CLVS1: variants seen among roughly 807,000 people sequenced by gnomAD.
CLVS1 encodes the protein clavesin-1.
A neutral mutation model predicts 33.1 loss-of-function variants in CLVS1; 10 were observed. The ratio of observed to expected loss-of-function variants is 0.30; its 90% CI spans 0.19 to 0.51. CLVS1 has a LOEUF of 0.51. CLVS1 is among the 20% of genes least tolerant of loss of function. The pLI is 0.97. For missense variants in CLVS1, 343 were observed against 433.4 expected, an observed-to-expected ratio of 0.79 and a Z score of 1.85; for synonymous variants, 163 against 166.1, an observed-to-expected ratio of 0.98 and a Z score of 0.14.
chr8:61,225,274 T>C (rs1585703786), intron 2 of CLVS1, among the ~76,000 whole-genome samples: 2 of 152,092 alleles, frequency 1.3e-5, no homozygotes, highest in African/African-American at 2.4e-5. Flanking sequence ...GCTGAGATAG[T>C]ACCATTATAC....
At chr8:61,023,095 G>C in the CLVS1 span, among the ~76,000 whole-genome samples, 211 of 152,302 alleles carry the variant, frequency 1.4e-3, no homozygotes, top group African/African-American at 5.0e-3. Flanking sequence ...AAAAAATTTA[G>C]GGAGGAAAAT....
rs369816565 is a variant in CLVS1 at position 61,163,242 on chromosome 8, C to T, written c.-152+31382C>T. On this transcript the variant is annotated intron_variant, in intron 2 of 2. Coordinates refer to the CLVS1 transcript ENST00000522621. ...TCTTTTGGCTTCTTTAGTCTATTTC[C>T]GGGAGTGAATTTTTGGGTATCATGG... Among the ~76,000 whole-genome samples, 95 of 152,230 alleles carry T rather than the reference C, an allele frequency of 6.2e-4. 1 individual carries two copies. In the Middle Eastern group the frequency reaches 0.01, roughly 16 times the overall value.
intron 2 of CLVS1, among the ~76,000 whole-genome samples, chr8:61,212,469 G>C (rs527540835): frequency 6.6e-6 from 1 of 152,166 alleles, no homozygotes; most frequent in African/African-American, 2.4e-5. Context: ...TGAGGCTGGC[G>C]CTGCCCAGTT....
intron 1 of CLVS1, among the ~76,000 whole-genome samples, chr8:61,073,966 C>T (rs984534500): frequency 2.1e-5 from 3 of 143,094 alleles, no homozygotes; most frequent in Admixed American, 7.2e-5. Flanking sequence ...GAGCCAAGAT[C>T]GCGCCACTGC....
At chr8:61,424,191 C>T (rs974429959) in intron 3 of CLVS1, among the ~76,000 whole-genome samples, 4 of 152,280 alleles carry the variant, frequency 2.6e-5, no homozygotes, top group Middle Eastern at 3.4e-3. Flanking sequence ...CTTAAATTGT[C>T]TGCCATTATT....
intron 1 of CLVS1, among the ~76,000 whole-genome samples, chr8:61,099,429 C>T (rs780287604): frequency 7.9e-5 from 12 of 151,418 alleles, no homozygotes; most frequent in South Asian, 6.3e-4. Flanking sequence ...AAATATTTTT[C>T]GAGTATTTAT....
the CLVS1 span, among the ~76,000 whole-genome samples, chr8:61,037,814 C>A: frequency 6.6e-6 from 1 of 152,178 alleles, no homozygotes; most frequent in African/African-American, 2.4e-5. Flanking sequence ...AGGAAACAGG[C>A]AAACACACCA....
At chr8:61,394,085 G>T (rs2201260) in intron 3 of CLVS1, among the ~76,000 whole-genome samples, 78 of 152,270 alleles carry the variant, frequency 5.1e-4, no homozygotes, top group African/African-American at 1.7e-3. Flanking sequence ...GGTGGCTCAC[G>T]CCTCTAATCC....
At chr8:61,287,699 G>A (rs1190686255), upstream of CLVS1, among the ~76,000 whole-genome samples, 1 of 151,996 alleles carries the variant, frequency 6.6e-6, no homozygotes, top group Non-Finnish European at 1.5e-5. Context: ...ATTCCCATAG[G>A]TTTGTGATAC....
At chr8:61,311,544 G>A (rs913785329) in intron 2 of CLVS1, among the ~76,000 whole-genome samples, 6 of 152,152 alleles carry the variant, frequency 3.9e-5, no homozygotes, top group African/African-American at 1.2e-4. Context: ...CTGCGTGCCC[G>A]GGTGGCTGCC....
chr8:61,136,821 T>C (rs938930036), intron 2 of CLVS1, among the ~76,000 whole-genome samples: 8 of 152,192 alleles, frequency 5.3e-5, no homozygotes, highest in African/African-American at 1.9e-4. Flanking sequence ...CCTATGCACA[T>C]GTAGCCCGGA....
At chr8:61,440,104 T>G (rs1816483649) in intron 3 of CLVS1, among the ~76,000 whole-genome samples, 1 of 152,240 alleles carries the variant, frequency 6.6e-6, no homozygotes, top group African/African-American at 2.4e-5. Flanking sequence ...AGCATTGTCT[T>G]TCTCCATCTC....
At chr8:61,096,257 A>G (rs1805348729) in intron 1 of CLVS1, among the ~76,000 whole-genome samples, 1 of 152,250 alleles carries the variant, frequency 6.6e-6, no homozygotes, top group Non-Finnish European at 1.5e-5. Context: ...TGGATGCAAC[A>G]GCTATAAATA....
chr8:61,498,427 T>C (rs776443814), intron 5 of CLVS1, among the ~76,000 whole-genome samples: 2 of 152,266 alleles, frequency 1.3e-5, no homozygotes, highest in Non-Finnish European at 2.9e-5. Flanking sequence ...ACTGCACATA[T>C]ATGTAAGTTT....
At chr8:61,069,847 G>A (rs1248937132) in intron 1 of CLVS1, among the ~76,000 whole-genome samples, 1 of 152,060 alleles carries the variant, frequency 6.6e-6, no homozygotes, top group African/African-American at 2.4e-5. Flanking sequence ...CTGGAGTGCA[G>A]TGGCGCGATC....
chr8:61,305,028 G>A (rs1487669362), intron 2 of CLVS1, among the ~76,000 whole-genome samples: 1 of 151,988 alleles, frequency 6.6e-6, no homozygotes, highest in African/African-American at 2.4e-5. Flanking sequence ...ACCTGCCATG[G>A]GGTCTTGAGC....
chr8:61,383,462 G>C (rs901354262), intron 3 of CLVS1, among the ~76,000 whole-genome samples: 1 of 152,156 alleles, frequency 6.6e-6, no homozygotes, highest in Non-Finnish European at 1.5e-5. Context: ...AAGGATATTT[G>C]CATTTTGTCA....
At chr8:61,162,390 T>C (rs1363191991) in intron 2 of CLVS1, among the ~76,000 whole-genome samples, 2 of 152,204 alleles carry the variant, frequency 1.3e-5, no homozygotes, top group Non-Finnish European at 2.9e-5. Flanking sequence ...TGTCTTGGCC[T>C]CATAGATTTG....
At chr8:61,121,525 T>C (rs1805871345) in intron 1 of CLVS1, among the ~76,000 whole-genome samples, 1 of 152,218 alleles carries the variant, frequency 6.6e-6, no homozygotes, top group East Asian at 1.9e-4. Context: ...CATTGAAACA[T>C]GTTTGTCTTG....
Sources: gnomAD v4.1 joint callset for allele counts (sites outside exome capture counted in the v4.1 genomes callset) on GRCh38, gnomAD v4.1.1 for gene constraint, MANE v1.5 for transcripts, NCBI Gene and HGNC (gene_info 2026-07-23, HGNC 2026-07-21) for gene names.